Variants in AK9 observed in about 807,000 individuals in gnomAD.
The protein encoded by AK9 is adenylate kinase domain containing 1.
AK9 carries 191 observed loss-of-function variants against 239.6 expected under a neutral mutation model. The ratio of observed to expected loss-of-function variants is 0.80; its 90% CI spans 0.71 to 0.90. The LOEUF is 0.90. AK9 is among the 40% of genes least tolerant of loss of function. AK9 has a pLI of 0.00. For missense variants in AK9, 1,995 were observed against 2,214.7 expected (o/e 0.90, Z 1.99); for synonymous variants, 689 against 721.0 (o/e 0.96, Z 0.71).
chr6:109,570,551 T>C (rs1787284548), intron 21 of AK9, among the ~76,000 whole-genome samples: 1 of 152,014 alleles, frequency 6.6e-6, no homozygotes, highest in Non-Finnish European at 1.5e-5. Flanking sequence ...CAAAACCCAC[T>C]TGTACCCCTA....
rs1015200788 is a variant in AK9 at position 109,593,243 on chromosome 6, T to C, written c.1843-7171A>G. Among the ~76,000 whole-genome samples, 3 of 152,182 alleles carry C rather than the reference T, an allele frequency of 2.0e-5. No individual in the cohort carries two copies. The East Asian group carries it at 5.8e-4, about 29-fold the overall frequency. ...ATCTCATCTTTCATATCCTAAATTG[T>C]TTTTCTGATTTCTTTGTGTAGGTTT... is the stretch of plus-strand genomic sequence containing the variant. On this transcript the variant is annotated intron_variant, in intron 17 of 40. Coordinates refer to ENST00000424296, the MANE Select transcript of AK9 (RefSeq NM_001145128.3).
intron 7 of AK9, 79 bp downstream of exon 7, chr6:109,659,149 A>G: frequency 7.1e-7 from 1 of 1,402,080 alleles, no homozygotes; most frequent in Non-Finnish European, 9.3e-7. Flanking sequence ...ACTATTTCCT[A>G]TTACCTATAC....
intron 6 of AK9, among the ~76,000 whole-genome samples, chr6:109,660,476 C>T (rs1800278708): frequency 6.6e-6 from 1 of 152,116 alleles, no homozygotes; most frequent in African/African-American, 2.4e-5. Context: ...ATGTTGGAAC[C>T]TTCATTGCTC....
chr6:109,581,962 A>G (rs918769190), intron 19 of AK9, among the ~76,000 whole-genome samples: 2 of 152,202 alleles, frequency 1.3e-5, no homozygotes, highest in Admixed American at 6.5e-5. Context: ...AGGCCCCCTA[A>G]TTAACTATGC....
chr6:109,506,213 CTTA>C, intron 35 of AK9, 111 bp downstream of exon 35: 1 of 887,216 alleles, frequency 1.1e-6, no homozygotes, highest in Non-Finnish European at 1.8e-6. Flanking sequence ...TATTGAAATA[CTTA>C]TTAAGTCACG....
intron 15 of AK9, among the ~76,000 whole-genome samples, chr6:109,612,534 C>G (rs945249151): frequency 6.6e-6 from 1 of 152,120 alleles, no homozygotes. Context: ...AGCAGACAGT[C>G]TTGGGGCAGG....
chr6:109,516,731 G>A, intron 29 of AK9, 89 bp from the exon 30 acceptor site: 1 of 1,149,052 alleles, frequency 8.7e-7, no homozygotes, highest in Non-Finnish European at 1.2e-6. Flanking sequence ...TTTTGTAATG[G>A]CTCGATATTG....
intron 13 of AK9, among the ~76,000 whole-genome samples, chr6:109,617,621 G>C (rs536571314): frequency 6.6e-6 from 1 of 152,120 alleles, no homozygotes; most frequent in East Asian, 1.9e-4. Context: ...AATGAATTTA[G>C]AGATATATCT....
At chr6:109,626,884 A>G (rs897587696) in intron 12 of AK9, among the ~76,000 whole-genome samples, 3 of 152,224 alleles carry the variant, frequency 2.0e-5, no homozygotes, top group Admixed American at 1.3e-4. Flanking sequence ...ACATTACTGT[A>G]TACTACTATA....
At chr6:109,559,167 G>GTT (rs79796830) in intron 24 of AK9, among the ~76,000 whole-genome samples, 3,397 of 145,280 alleles carry the variant, frequency 0.023, 91 homozygotes, top group East Asian at 0.11. Flanking sequence ...ATATCTATCT[G>GTT]TTTTTTTTTT....
intron 8 of AK9, among the ~76,000 whole-genome samples, chr6:109,652,187 A>G (rs1799063354): frequency 6.6e-6 from 1 of 152,224 alleles, no homozygotes. Flanking sequence ...CCAACAGCAC[A>G]TCAAAAAGCT....
At chr6:109,526,746 G>A (rs1360919593) in intron 29 of AK9, among the ~76,000 whole-genome samples, 2 of 152,160 alleles carry the variant, frequency 1.3e-5, no homozygotes, top group African/African-American at 4.8e-5. Flanking sequence ...AGCAGCTATT[G>A]TGAACTACTT....
At chr6:109,622,521 T>G (rs1294804114) in intron 12 of AK9, among the ~76,000 whole-genome samples, 2 of 54,192 alleles carry the variant, frequency 3.7e-5, no homozygotes, top group African/African-American at 2.7e-4. Context: ...TAAATCAGGA[T>G]AATACAATAA....
intron 12 of AK9, among the ~76,000 whole-genome samples, chr6:109,627,123 G>T (rs1795615939): frequency 1.6e-5 from 2 of 124,296 alleles, no homozygotes; most frequent in Non-Finnish European, 1.7e-5. Flanking sequence ...TCTATTTTTC[G>T]ATGTTTAAGC....
intron 5 of AK9, among the ~76,000 whole-genome samples, chr6:109,664,270 A>C (rs1349764303): frequency 6.6e-6 from 1 of 152,184 alleles, no homozygotes; most frequent in Non-Finnish European, 1.5e-5. Context: ...GTGCCCCAAA[A>C]GTTTGAGAAC....
At chr6:109,580,609 C>A (rs904041820) in intron 19 of AK9, among the ~76,000 whole-genome samples, 1 of 152,172 alleles carries the variant, frequency 6.6e-6, no homozygotes, top group African/African-American at 2.4e-5. Context: ...TTCTTTGCAT[C>A]CATTTTCCCT....
chr6:109,689,085 G>A (rs1773930105), intron 1 of AK9, among the ~76,000 whole-genome samples: 1 of 152,186 alleles, frequency 6.6e-6, no homozygotes, highest in Non-Finnish European at 1.5e-5. Flanking sequence ...CAGAAGTGTT[G>A]GCCAAGAGTA....
intron 3 of AK9, among the ~76,000 whole-genome samples, chr6:109,672,476 A>T (rs1771070539): frequency 6.6e-6 from 1 of 152,120 alleles, no homozygotes; most frequent in Non-Finnish European, 1.5e-5. Flanking sequence ...TGAGCCCAGA[A>T]GTTTGAGACC....
chr6:109,528,985 T>A (rs1295101530), intron 29 of AK9, 26 bp downstream of exon 29: 2 of 1,544,976 alleles, frequency 1.3e-6, no homozygotes, highest in Admixed American at 4.0e-5. Flanking sequence ...AGACCCTGTT[T>A]TGAAAAAAAA....
Sources: gnomAD v4.1 joint callset for allele counts (sites outside exome capture counted in the v4.1 genomes callset) on GRCh38, gnomAD v4.1.1 for gene constraint, MANE v1.5 for transcripts, NCBI Gene and HGNC (gene_info 2026-07-23, HGNC 2026-07-21) for gene names.